Variants in WASL observed in about 807,000 individuals in gnomAD.
WASL encodes the protein WASP like actin nucleation promoting factor.
A neutral mutation model predicts 55.5 loss-of-function variants in WASL; 20 were observed. The ratio of observed to expected loss-of-function variants is 0.36; its 90% CI spans 0.25 to 0.52. WASL has a LOEUF of 0.52. WASL is among the 20% of genes least tolerant of loss of function. The pLI is 0.92. For synonymous variants in WASL, 249 were observed against 217.6 expected (o/e 1.14, Z -1.27); for missense variants, 504 against 622.5 (o/e 0.81, Z 2.03).
In WASL at chr7:123,684,264, G is replaced by GA. The variant is rs1803250275; in HGVS notation, c.*254dup. The GA allele has an allele frequency of 5.4e-6, 1 of 183,764 alleles. No individual in the cohort carries two copies. The highest frequency in any genetic ancestry group is 1.1e-5 in the Non-Finnish European group (1 of 89,360). 11.4% of individuals were successfully genotyped at this position (183,764 alleles called of 1,614,324 possible). A position where few individuals can be genotyped will look rare whatever the true frequency, so the allele number is the denominator to read the frequency against. ...ATTTAAACTCCCTTGTTGATGGAAT[G>GA]AAAAATATTCACAAATCAAGTGAGC... On this transcript the variant is annotated 3_prime_UTR_variant, in exon 11 of 11. Transcript: ENST00000223023.
At chr7:123,686,676 C>T (rs1221220017) in intron 10 of WASL, among the ~76,000 whole-genome samples, 3 of 152,134 alleles carry the variant, frequency 2.0e-5, no homozygotes, top group African/African-American at 7.2e-5. Context: ...AGAAGCCTTA[C>T]ATTTCTTTAT....
intron 1 of WASL, among the ~76,000 whole-genome samples, chr7:123,725,832 A>G (rs569273998): frequency 6.6e-6 from 1 of 152,298 alleles, no homozygotes; most frequent in South Asian, 2.1e-4. Flanking sequence ...TAAATGTCCC[A>G]CTGGCTTCTG....
Position 123,692,704 on chromosome 7 carries a change from T to C in WASL, c.990A>G (p.Pro330=). The C allele has an allele frequency of 6.6e-7, 1 of 1,519,582 alleles. No homozygotes were observed. The highest frequency in any genetic ancestry group is 1.8e-4 in the Middle Eastern group (1 of 5,588). 94.1% of individuals were successfully genotyped at this position (1,519,582 alleles called of 1,614,324 possible). A position where few individuals can be genotyped will look rare whatever the true frequency, so the allele number is the denominator to read the frequency against. ...GCGGTGGTGGAGGGACTGCTACACT[T>C]GGCCTGGAAGGAGGCGGTGGTGGAG... The part of the protein sequence containing the change: ...AAPPPPPPSR[P]SVAVPPPPPN... Residue 330 remains proline (P), a synonymous_variant, in exon 9 of 11, where the codon CCA becomes CCG. Transcript: ENST00000223023.
chr7:123,721,771 G>A (rs1803950652), intron 1 of WASL, among the ~76,000 whole-genome samples: 1 of 152,162 alleles, frequency 6.6e-6, no homozygotes, highest in South Asian at 2.1e-4. Context: ...AATTTGGTCA[G>A]GCGTGGTGGC....
chr7:123,718,691 A>G (rs1452379813), intron 1 of WASL, among the ~76,000 whole-genome samples: 3 of 152,174 alleles, frequency 2.0e-5, no homozygotes, highest in Non-Finnish European at 4.4e-5. Context: ...CACCATGCCC[A>G]GCCCCATATA....
At chr7:123,746,904 T>C (rs952305439) in intron 1 of WASL, among the ~76,000 whole-genome samples, 1 of 152,232 alleles carries the variant, frequency 6.6e-6, no homozygotes, top group African/African-American at 2.4e-5. Flanking sequence ...CTACTTCCTT[T>C]TTGATACAGG....
At chr7:123,684,702 T>C in intron 10 of WASL, 122 bp from the exon 11 acceptor site, 2 of 898,518 alleles carry the variant, frequency 2.2e-6, no homozygotes, top group Non-Finnish European at 3.0e-6. Flanking sequence ...CAGAAGAATC[T>C]AGTTACTAAA....
In WASL at chr7:123,682,557, T is replaced by C. The variant is rs909728900; in HGVS notation, c.*1962A>G. ...TATTATACCAAAGTCAGCTGGAAAATCTAGAATTTCTTGGCCACAAGTTAA... is the reference window on the plus strand; with the variant it reads ...TATTATACCAAAGTCAGCTGGAAAACCTAGAATTTCTTGGCCACAAGTTAA... On this transcript the variant is annotated 3_prime_UTR_variant, in exon 11 of 11. Coordinates refer to ENST00000223023, the MANE Select transcript of WASL (RefSeq NM_003941.4). 1.3e-5 allele frequency: 2 copies of C among 152,122 alleles called. No individual in the cohort carries two copies. The highest frequency in any genetic ancestry group is 4.8e-5 in the African/African-American group (2 of 41,416). 9.4% of individuals were successfully genotyped at this position (152,122 alleles called of 1,614,324 possible).
At chr7:123,715,897 A>C (rs1050690929) in intron 1 of WASL, among the ~76,000 whole-genome samples, 19 of 152,246 alleles carry the variant, frequency 1.2e-4, no homozygotes, top group African/African-American at 4.6e-4. Flanking sequence ...TTCTACTACC[A>C]GAAGGATAAT....
At chr7:123,686,671 C>G (rs147273094) in intron 10 of WASL, among the ~76,000 whole-genome samples, 2 of 152,090 alleles carry the variant, frequency 1.3e-5, no homozygotes, top group African/African-American at 2.4e-5. Context: ...TTCACAGAAG[C>G]CTTACATTTC....
rs1048109939 is a variant in WASL, at chr7:123,694,780, A to G, written c.761T>C (p.Val254Ala). 2 of 1,613,244 alleles carry G rather than the reference A, an allele frequency of 1.2e-6. No individual in the cohort carries two copies. Among genetic ancestry groups the G allele is most frequent in the Non-Finnish European group, 1.7e-6 (2 of 1,179,626 alleles). ...TGTTTTTTCAATAAAGTCATATATAACTTTTGATGTTTCTCTGTCTTTAAG... is the reference window on the plus strand; with the variant it reads ...TGTTTTTTCAATAAAGTCATATATAGCTTTTGATGTTTCTCTGTCTTTAAG... ...AQLKDRETSK[V>A]IYDFIEKTGG... Residue 254 changes from valine (V) to alanine (A), a missense_variant, in exon 8 of 11, where the codon GTT becomes GCT. Val to Ala is a moderately conservative substitution (Grantham distance 64). Around this residue, in one of 5 missense-constraint regions of WASL, gnomAD observed 17 missense variants for 58.4 expected, o/e 0.29. Coordinates refer to ENST00000223023, the MANE Select transcript of WASL (RefSeq NM_003941.4).
chr7:123,689,153 T>C lies in WASL; in HGVS notation c.1348-3A>G. On this transcript the variant is annotated splice_region_variant and splice_polypyrimidine_tract_variant and intron_variant, in intron 9 of 10. Coordinates refer to ENST00000223023, the MANE Select transcript of WASL (RefSeq NM_003941.4). ...GTAGACTCTTGGCCATCAGCCACCT[T>C]GGAAAAGAAAGTTAGCAAAACTCAG... is the stretch of plus-strand genomic sequence containing the variant. 6.2e-7 allele frequency: 1 copy of C among 1,610,866 alleles called. No individual in the cohort carries two copies. Among genetic ancestry groups the C allele is most frequent in the African/African-American group, 1.3e-5 (1 of 74,936 alleles).
chr7:123,721,474 G>A (rs1803941458), intron 1 of WASL, among the ~76,000 whole-genome samples: 1 of 152,084 alleles, frequency 6.6e-6, no homozygotes, highest in Non-Finnish European at 1.5e-5. Context: ...AGGACTTAAA[G>A]TACAACATTT....
intron 1 of WASL, among the ~76,000 whole-genome samples, chr7:123,713,538 T>C (rs951712708): frequency 2.4e-4 from 37 of 152,166 alleles, no homozygotes; most frequent in African/African-American, 8.4e-4. Flanking sequence ...TTTTCTATGA[T>C]CATGTTGGCC....
chr7:123,730,351 G>A (rs1804116783), intron 1 of WASL, among the ~76,000 whole-genome samples: 1 of 151,996 alleles, frequency 6.6e-6, no homozygotes, highest in Non-Finnish European at 1.5e-5. Context: ...TAAAATAACA[G>A]TAGACACAAT....
intron 1 of WASL, among the ~76,000 whole-genome samples, chr7:123,714,648 A>G (rs1803809659): frequency 6.6e-6 from 1 of 152,196 alleles, no homozygotes; most frequent in South Asian, 2.1e-4. Flanking sequence ...TACTATGTAC[A>G]AGGGACTGGG....
intron 1 of WASL, among the ~76,000 whole-genome samples, chr7:123,732,677 G>A (rs1418666542): frequency 1.3e-5 from 2 of 152,144 alleles, no homozygotes; most frequent in African/African-American, 2.4e-5. Flanking sequence ...GGACTACTTC[G>A]TAACTATTTT....
intron 10 of WASL, among the ~76,000 whole-genome samples, chr7:123,687,920 T>C (rs1309275838): frequency 6.6e-6 from 1 of 152,226 alleles, no homozygotes; most frequent in Non-Finnish European, 1.5e-5. Flanking sequence ...GTAACATTTA[T>C]TAAGCACCTA....
At chr7:123,743,057 C>T (rs747907149) in intron 1 of WASL, among the ~76,000 whole-genome samples, 25 of 152,082 alleles carry the variant, frequency 1.6e-4, no homozygotes, top group Non-Finnish European at 3.2e-4. Context: ...GGAGAAATGG[C>T]CAGGCACAGT....
Sources: gnomAD v4.1 joint callset for allele counts (sites outside exome capture counted in the v4.1 genomes callset) on GRCh38, gnomAD v4.1.1 for gene constraint, gnomAD v4.1.1 regional missense constraint, MANE v1.5 for transcripts, NCBI Gene and HGNC (gene_info 2026-07-23, HGNC 2026-07-21) for gene names.